The following CSRNP3 variants were observed in gnomAD, a reference collection of about 807,000 sequenced individuals.
CSRNP3 encodes cysteine and serine rich nuclear protein 3.
In CSRNP3, 12 loss-of-function variants were observed where a neutral mutation model predicts 48.0. The observed-to-expected ratio is 0.25, with a 90% CI of 0.16 to 0.41. CSRNP3 has a LOEUF of 0.41. CSRNP3 is among the 10% of genes least tolerant of loss of function. The pLI is 1.00. For missense variants in CSRNP3, 580 were observed against 724.4 expected (o/e 0.80, Z 2.29); for synonymous variants, 263 against 269.7 (o/e 0.98, Z 0.24).
At chr2:165,587,492 C>G (rs1308896903) in intron 3 of CSRNP3, among the ~76,000 whole-genome samples, 1 of 152,214 alleles carries the variant, frequency 6.6e-6, no homozygotes, top group Non-Finnish European at 1.5e-5. Flanking sequence ...GGGGCAGACA[C>G]CTGACCCAAG....
In CSRNP3 at chr2:165,523,714, A is replaced by C. The variant is rs6750826; in HGVS notation, c.-24+5753A>C. ...CTATTCTTCCATCCAGAAAGTCACA[A>C]ACCACAAACTCAAACCCCAATAGGT... On this transcript the variant is annotated intron_variant, in intron 3 of 6. Coordinates refer to ENST00000651982, the MANE Select transcript of CSRNP3 (RefSeq NM_001172173.2). 8.3e-3 allele frequency among the ~76,000 whole-genome samples: 1,265 copies of C among 152,298 alleles called. 20 individuals are homozygous for C. The highest frequency in any genetic ancestry group is 0.029 in the African/African-American group (1,223 of 41,552).
intron 3 of CSRNP3, among the ~76,000 whole-genome samples, chr2:165,594,589 A>C (rs953045188): frequency 1.3e-5 from 2 of 152,246 alleles, no homozygotes; most frequent in African/African-American, 4.8e-5. Flanking sequence ...CTGTTTTTAC[A>C]TGCTTCATTG....
intron 2 of CSRNP3, among the ~76,000 whole-genome samples, chr2:165,508,120 G>A (rs1305963514): frequency 2.0e-5 from 3 of 151,692 alleles, no homozygotes; most frequent in Non-Finnish European, 4.4e-5. Flanking sequence ...TTTTAGAATC[G>A]ATTTCTATTT....
intron 2 of CSRNP3, among the ~76,000 whole-genome samples, chr2:165,499,598 G>A (rs1414157584): frequency 1.3e-5 from 2 of 151,942 alleles, no homozygotes; most frequent in Non-Finnish European, 2.9e-5. Flanking sequence ...TTATATGTTC[G>A]GCTACAGTGA....
intron 5 of CSRNP3, among the ~76,000 whole-genome samples, chr2:165,666,577 GGA>G (rs1217048410): frequency 3.3e-4 from 14 of 42,788 alleles, no homozygotes; most frequent in African/African-American, 6.2e-4. Flanking sequence ...GAGAGAGAGA[GGA>G]AGGAAGGAAG....
chr2:165,481,990 C>T (rs535714347), intron 1 of CSRNP3, among the ~76,000 whole-genome samples: 1 of 152,150 alleles, frequency 6.6e-6, no homozygotes, highest in South Asian at 2.1e-4. Context: ...TGCTCACTAC[C>T]TTGGAGATGG....
intron 4 of CSRNP3, among the ~76,000 whole-genome samples, chr2:165,622,205 T>A (rs1686352387): frequency 6.6e-6 from 1 of 152,204 alleles, no homozygotes; most frequent in South Asian, 2.1e-4. Flanking sequence ...AGCAGCCTAT[T>A]TCCCTTCTTT....
intron 5 of CSRNP3, among the ~76,000 whole-genome samples, chr2:165,663,932 G>C (rs1687136950): frequency 6.6e-6 from 1 of 152,142 alleles, no homozygotes; most frequent in Admixed American, 6.5e-5. Flanking sequence ...AAGAAGCGAT[G>C]TTGGTCTAAA....
At chr2:165,653,138 G>A (rs1686942418) in intron 4 of CSRNP3, among the ~76,000 whole-genome samples, 1 of 152,268 alleles carries the variant, frequency 6.6e-6, no homozygotes, top group South Asian at 2.1e-4. Context: ...CTGGAGTCAG[G>A]AGATAGCCCA....
chr2:165,515,090 C>G (rs186629452), intron 2 of CSRNP3, among the ~76,000 whole-genome samples: 4 of 152,020 alleles, frequency 2.6e-5, no homozygotes, highest in Non-Finnish European at 5.9e-5. Flanking sequence ...GAGGCTGAGA[C>G]GGGCGGATCA....
At chr2:165,636,591 C>A (rs1426057739) in intron 4 of CSRNP3, among the ~76,000 whole-genome samples, 2 of 152,136 alleles carry the variant, frequency 1.3e-5, no homozygotes, top group African/African-American at 2.4e-5. Context: ...ACTTTGGCTT[C>A]ACTAGAACTA....
chr2:165,638,019 A>T (rs1448673010), intron 4 of CSRNP3, among the ~76,000 whole-genome samples: 1 of 152,220 alleles, frequency 6.6e-6, no homozygotes, highest in East Asian at 1.9e-4. Flanking sequence ...ATAAAATCTT[A>T]TTAATTTTAT....
chr2:165,577,194 C>T (rs1685466310), intron 3 of CSRNP3, among the ~76,000 whole-genome samples: 1 of 150,528 alleles, frequency 6.6e-6, no homozygotes, highest in South Asian at 2.1e-4. Flanking sequence ...AAGGAAAATG[C>T]TCAAAATAAT....
intron 2 of CSRNP3, among the ~76,000 whole-genome samples, chr2:165,504,958 T>C (rs1430345894): frequency 6.6e-6 from 1 of 152,116 alleles, no homozygotes; most frequent in Non-Finnish European, 1.5e-5. Context: ...TTCAGACTAA[T>C]AGACATGACA....
chr2:165,538,896 TA>T (rs1684917044), intron 3 of CSRNP3, among the ~76,000 whole-genome samples: 1 of 151,968 alleles, frequency 6.6e-6, no homozygotes, highest in Non-Finnish European at 1.5e-5. Flanking sequence ...TTTCAAGTAG[TA>T]AAAACTATGT....
At chr2:165,517,550 A>C (rs1180217814) in intron 2 of CSRNP3, among the ~76,000 whole-genome samples, 2 of 151,944 alleles carry the variant, frequency 1.3e-5, no homozygotes, top group Non-Finnish European at 2.9e-5. Context: ...AAAGTTGCTT[A>C]AGTCTAGTGT....
At chr2:165,675,225 G>T (rs777341) in intron 5 of CSRNP3, among the ~76,000 whole-genome samples, 65,436 of 151,836 alleles carry the variant, frequency 0.43, 14,164 homozygotes, top group East Asian at 0.55. Flanking sequence ...AGTATTTTAA[G>T]TGTGTGATGG....
intron 4 of CSRNP3, among the ~76,000 whole-genome samples, chr2:165,602,307 C>G (rs951464935): frequency 6.6e-6 from 1 of 152,076 alleles, no homozygotes; most frequent in South Asian, 2.1e-4. Context: ...AAGGAAGCAG[C>G]ATAGATAAAG....
chr2:165,549,912 A>C (rs924895364), intron 3 of CSRNP3, among the ~76,000 whole-genome samples: 1 of 152,182 alleles, frequency 6.6e-6, no homozygotes, highest in African/African-American at 2.4e-5. Flanking sequence ...AACAGATATC[A>C]GTTCAGTCCT....
Sources: allele counts gnomAD v4.1 joint callset (sites outside exome capture counted in the v4.1 genomes callset), GRCh38; gene constraint gnomAD v4.1.1; transcripts MANE v1.5; gene names NCBI Gene and HGNC (gene_info 2026-07-23, HGNC 2026-07-21).